EDRF1: variants seen among roughly 807,000 people sequenced by gnomAD.
The protein encoded by EDRF1 is erythroid differentiation-related factor 1.
In EDRF1, 69 loss-of-function variants were observed where a neutral mutation model predicts 148.7. That is an observed-to-expected ratio of 0.46 (90% CI 0.38 to 0.57). The LOEUF (loss-of-function observed/expected upper bound fraction) is 0.57. Among genes scored for constraint, EDRF1 ranks in the 20% least tolerant of loss-of-function variants. The pLI, the probability that EDRF1 is intolerant of heterozygous loss-of-function variation, is 0.00. For synonymous variants in EDRF1, 515 were observed against 532.8 expected, an observed-to-expected ratio of 0.97 and a Z score of 0.46; for missense variants, 1,118 against 1,478.7, an observed-to-expected ratio of 0.76 and a Z score of 4.00.
At chr10:125,742,919 G>GT in intron 17 of EDRF1, 139 bp from the exon 18 acceptor site, 1 of 1,374,886 alleles carries the variant, frequency 7.3e-7, no homozygotes, top group Non-Finnish European at 9.7e-7. Flanking sequence ...CTTAAATATT[G>GT]TTGTATTGAT....
chr10:125,737,828 ATG>A, intron 13 of EDRF1, 88 bp from the exon 14 acceptor site: 1 of 1,292,710 alleles, frequency 7.7e-7, no homozygotes, highest in Non-Finnish European at 1.1e-6. Flanking sequence ...TTTGTTGATA[ATG>A]CTTACAGTAA....
rs773208056 is a variant in EDRF1, at chr10:125,745,730, G to A, written c.2614G>A (p.Glu872Lys). The A allele has an allele frequency of 5.0e-6, 8 of 1,614,048 alleles. No individual in the cohort carries two copies. In the Admixed American group the frequency reaches 5.0e-5, roughly 10 times the overall value. ...RLVSKSVSAA[E>K]QQLWKKSFSC... ...AGTGAGCAAATCTGTGTCTGCTGCC[G>A]AGCAACAGTTGTGGAAAAAAAGCTT... Residue 872 changes from glutamate (E) to lysine (K), a missense_variant, in exon 19 of 25, where the codon GAG becomes AAG. Physicochemically the swap from Glu to Lys is moderately conservative, Grantham distance 56. Coordinates refer to ENST00000356792, the MANE Select transcript of EDRF1 (RefSeq NM_001202438.2).
chr10:125,720,630 G>A (rs921291831), intron 1 of EDRF1, among the ~76,000 whole-genome samples: 4 of 152,048 alleles, frequency 2.6e-5, no homozygotes, highest in African/African-American at 7.2e-5. Context: ...GGCCAACATG[G>A]CAAAACCCTG....
intron 9 of EDRF1, chr10:125,732,057 T>C (rs1319653507): frequency 3.8e-6 from 1 of 264,242 alleles, no homozygotes; most frequent in Non-Finnish European, 8.3e-6. Context: ...TCAGAATCAC[T>C]TGTGGTCTCT....
intron 9 of EDRF1, among the ~76,000 whole-genome samples, chr10:125,731,309 A>G (rs1300210984): frequency 6.6e-6 from 1 of 152,228 alleles, no homozygotes; most frequent in East Asian, 1.9e-4. Context: ...ACAGAAATCT[A>G]GATCATCAGA....
chr10:125,738,651 A>G (rs1848856080), intron 15 of EDRF1, among the ~76,000 whole-genome samples: 1 of 152,206 alleles, frequency 6.6e-6, no homozygotes, highest in African/African-American at 2.4e-5. Context: ...ATAAGAGCAT[A>G]AGGAGCCTGC....
chr10:125,737,190 T>TA (rs1481688826), intron 13 of EDRF1, among the ~76,000 whole-genome samples: 3 of 152,204 alleles, frequency 2.0e-5, no homozygotes, highest in South Asian at 2.1e-4. Context: ...GCCATGGACT[T>TA]ACGGGGCAAT....
At chr10:125,748,129 T>C (rs1849461319) in intron 21 of EDRF1, 117 bp downstream of exon 21, 1 of 1,262,674 alleles carries the variant, frequency 7.9e-7, no homozygotes, top group Admixed American at 1.8e-5. Context: ...GGTGAACTGC[T>C]GTCCTAAATT....
chr10:125,749,881 C>T, intron 22 of EDRF1: 1 of 357,386 alleles, frequency 2.8e-6, no homozygotes, highest in Admixed American at 3.9e-5. Flanking sequence ...TGGCTCACGC[C>T]TGTAATCCCA....
intron 22 of EDRF1, chr10:125,749,799 A>G (rs539180288): frequency 3.7e-6 from 2 of 535,032 alleles, no homozygotes; most frequent in East Asian, 6.9e-5. Context: ...GATATGGCCC[A>G]TGACCCCTAG....
chr10:125,745,685 TTTTC>T lies in EDRF1; in HGVS notation c.2591-12_2591-9del. 5.0e-6 allele frequency: 8 copies of T among 1,612,342 alleles called. No individual in the cohort carries two copies. The highest frequency in any genetic ancestry group is 5.1e-6 in the Non-Finnish European group (6 of 1,178,408). On this transcript the variant is annotated intron_variant, in intron 18 of 24. Transcript: ENST00000356792. ...ACACTGATGTCTGCTTACACAGTTG[TTTTC>T]TTTCTTTCTCTGTAAAGTGAGCAAA...
chr10:125,721,747 A>C (rs1848017270), intron 2 of EDRF1, among the ~76,000 whole-genome samples: 3 of 152,248 alleles, frequency 2.0e-5, no homozygotes, highest in Admixed American at 2.0e-4. Flanking sequence ...TTGGTGCATG[A>C]GGAGGAAAAC....
At chr10:125,759,797 G>A (rs915797738) in intron 24 of EDRF1, among the ~76,000 whole-genome samples, 4 of 151,802 alleles carry the variant, frequency 2.6e-5, no homozygotes, top group Non-Finnish European at 4.4e-5. Context: ...TGCAAGCTCC[G>A]CCTCCCAGGT....
intron 24 of EDRF1, among the ~76,000 whole-genome samples, chr10:125,758,463 T>G (rs1189861655): frequency 6.6e-6 from 1 of 152,192 alleles, no homozygotes; most frequent in Non-Finnish European, 1.5e-5. Flanking sequence ...ATTTTTTTTT[T>G]GCCTGGAATT....
At chr10:125,756,989 T>A (rs1441051488) in intron 24 of EDRF1, 1 of 412,924 alleles carries the variant, frequency 2.4e-6, no homozygotes, top group African/African-American at 2.1e-5. Flanking sequence ...ATTTTTTAAT[T>A]TTTTGTAGAG....
At chr10:125,721,713 G>A (rs9804381) in intron 2 of EDRF1, among the ~76,000 whole-genome samples, 110,963 of 152,198 alleles carry the variant, frequency 0.73, 40,920 homozygotes, top group East Asian at 0.9. Flanking sequence ...ATACCTTTTG[G>A]ATATGTGAAT....
At chr10:125,747,816 G>C (rs767597448) in intron 20 of EDRF1, 47 bp from the exon 21 acceptor site, 9 of 1,612,858 alleles carry the variant, frequency 5.6e-6, no homozygotes, top group African/African-American at 1.3e-5. Context: ...AACTCCTACA[G>C]TCAGATTAGA....
chr10:125,732,920 A>AT (rs1239666957), intron 9 of EDRF1, among the ~76,000 whole-genome samples: 1 of 152,112 alleles, frequency 6.6e-6, no homozygotes, highest in African/African-American at 2.4e-5. Context: ...AAGTCCATAG[A>AT]TGAAGGGAAG....
At chr10:125,746,570 C>T (rs184193566) in intron 19 of EDRF1, 2 of 152,522 alleles carry the variant, frequency 1.3e-5, no homozygotes, top group African/African-American at 4.8e-5. Context: ...AGAAAATTTT[C>T]AAAGTTTAGT....
Sources: gnomAD v4.1 joint callset for allele counts (sites outside exome capture counted in the v4.1 genomes callset) on GRCh38, gnomAD v4.1.1 for gene constraint, MANE v1.5 for transcripts, NCBI Gene and HGNC (gene_info 2026-07-23, HGNC 2026-07-21) for gene names.